Variants in STK32C observed in about 807,000 individuals in gnomAD.
The protein encoded by STK32C is serine/threonine-protein kinase 32C.
Under a neutral mutation model 56.5 loss-of-function variants are expected in STK32C, and 31 were observed. That is an observed-to-expected ratio of 0.55 (90% CI 0.41 to 0.74). STK32C has a LOEUF of 0.74. Among genes scored for constraint, STK32C ranks in the 30% least tolerant of loss-of-function variants. The probability of loss-of-function intolerance (pLI) is 0.00; values close to 1 mark genes in which losing one functional copy is unlikely to be tolerated. For missense variants in STK32C, 544 were observed against 676.9 expected, an observed-to-expected ratio of 0.80 and a Z score of 2.18; for synonymous variants, 309 against 289.4, an observed-to-expected ratio of 1.07 and a Z score of -0.69.
At chr10:132,319,036 C>A (rs754021100) in intron 1 of STK32C, among the ~76,000 whole-genome samples, 1 of 152,210 alleles carries the variant, frequency 6.6e-6, no homozygotes, top group African/African-American at 2.4e-5. Flanking sequence ...GCAACCTCCA[C>A]GTCCTGGGTT....
rs2064095340 is a variant in STK32C, at chr10:132,255,736, G to A, written c.263-9781C>T. The stretch of plus-strand genomic sequence containing the variant: ...TCAGAGATCAGGAGAGGGGATGAGG[G>A]TGTGGGTGCCGGCCTCTGACCCTGG... On this transcript the variant is annotated intron_variant, in intron 1 of 11. Transcript: ENST00000298630. This position sits in a 1 kb window ranked among gnomAD's most constrained non-coding sequence, Gnocchi z 4.6. 6.6e-6 allele frequency among the ~76,000 whole-genome samples: 1 copy of A among 152,200 alleles called. No homozygotes were observed. The highest frequency in any genetic ancestry group is 2.4e-5 in the African/African-American group (1 of 41,444).
chr10:132,295,636 A>G (rs1300533858), intron 1 of STK32C, among the ~76,000 whole-genome samples: 1 of 152,268 alleles, frequency 6.6e-6, no homozygotes, highest in Non-Finnish European at 1.5e-5. Context: ...TTGTAATCCC[A>G]GCACTTCGGG....
intron 10 of STK32C, among the ~76,000 whole-genome samples, chr10:132,219,889 G>A (rs1030638848): frequency 6.6e-6 from 1 of 152,122 alleles, no homozygotes; most frequent in Non-Finnish European, 1.5e-5. Flanking sequence ...CGGGGGCTGA[G>A]GCACAAGAGT....
At chr10:132,319,093 C>T (rs143421511), downstream of STK32C, among the ~76,000 whole-genome samples, 4 of 152,276 alleles carry the variant, frequency 2.6e-5, no homozygotes, top group South Asian at 2.1e-4. Context: ...GGATTACAGG[C>T]GCTCATCATC....
chr10:132,331,884 ACCCCCTG>A (rs1564813091), upstream of STK32C: 11 of 1,019,736 alleles, frequency 1.1e-5, no homozygotes, highest in Admixed American at 5.6e-5. Flanking sequence ...CAGGCGCACC[ACCCCCTG>A]CCACCCCCGC....
chr10:132,245,832 A>G, intron 2 of STK32C, 68 bp downstream of exon 2: 5 of 1,494,264 alleles, frequency 3.3e-6, no homozygotes, highest in East Asian at 2.3e-5. Flanking sequence ...CTCAGGGGAC[A>G]GCATGTCCGA....
intron 10 of STK32C, among the ~76,000 whole-genome samples, chr10:132,210,854 AC>A (rs1043109887): frequency 6.6e-6 from 1 of 152,054 alleles, no homozygotes; most frequent in African/African-American, 2.4e-5. Context: ...TGAGGGTTTC[AC>A]CCTGGCAGCG....
chr10:132,313,492 G>A (rs535597011), intron 1 of STK32C, among the ~76,000 whole-genome samples: 206 of 152,380 alleles, frequency 1.4e-3, no homozygotes, highest in African/African-American at 4.8e-3. Flanking sequence ...CCCTCTCAGC[G>A]AGGGAGACGG....
chr10:132,284,799 A>G (rs112187218), intron 1 of STK32C, among the ~76,000 whole-genome samples: 84 of 135,326 alleles, frequency 6.2e-4, no homozygotes, highest in Middle Eastern at 4.2e-3. Context: ...GCATGAACCC[A>G]GAACACATTC....
intron 1 of STK32C, among the ~76,000 whole-genome samples, chr10:132,265,558 C>G (rs113771911): frequency 5.3e-5 from 8 of 152,286 alleles, no homozygotes; most frequent in African/African-American, 1.9e-4. Context: ...CCATCAGCCC[C>G]GCACAGCCCT....
rs529971255 is a variant in STK32C at position 132,248,201 on chromosome 10, G to T, written c.263-2246C>A. 2.1e-4 allele frequency among the ~76,000 whole-genome samples: 32 copies of T among 152,372 alleles called. 1 individual carries two copies. The highest frequency in any genetic ancestry group is 7.5e-4 in the African/African-American group (31 of 41,594). On this transcript the variant is annotated intron_variant, in intron 1 of 11. Coordinates refer to ENST00000298630, the MANE Select transcript of STK32C (RefSeq NM_173575.4). ...CTGCCGCCATGTGGCGTCACCCAAC[G>T]TCACCAGATGTTAAAGGAAAGTCAG...
intron 3 of STK32C, among the ~76,000 whole-genome samples, chr10:132,227,601 G>C (rs933219258): frequency 6.8e-6 from 1 of 146,718 alleles, no homozygotes; most frequent in Non-Finnish European, 1.5e-5. Context: ...TGATGGTGGT[G>C]GTGATGGCGA....
intron 2 of STK32C, among the ~76,000 whole-genome samples, chr10:132,230,678 GC>G (rs1222265434): frequency 3.3e-5 from 4 of 121,486 alleles, no homozygotes; most frequent in East Asian, 2.6e-4. Context: ...GGGGAAGCTG[GC>G]GGGGGGGGGG....
At chr10:132,257,440 G>C (rs2064160700) in intron 1 of STK32C, among the ~76,000 whole-genome samples, 1 of 152,040 alleles carries the variant, frequency 6.6e-6, no homozygotes, top group Admixed American at 6.5e-5. Context: ...CAGGGTGCCT[G>C]AGAGCTCCCA....
intron 1 of STK32C, among the ~76,000 whole-genome samples, chr10:132,306,397 C>T (rs560348480): frequency 5.9e-5 from 9 of 152,336 alleles, no homozygotes; most frequent in Non-Finnish European, 1.2e-4. Flanking sequence ...TCTGCTGTCC[C>T]GAAGTTCAGG....
intron 1 of STK32C, among the ~76,000 whole-genome samples, chr10:132,304,204 G>A (rs559977625): frequency 2.3e-4 from 35 of 152,296 alleles, no homozygotes; most frequent in African/African-American, 8.2e-4. Flanking sequence ...AGGAAACTAA[G>A]TAAGCAGAGA....
At chr10:132,211,369 C>T (rs905562713) in intron 10 of STK32C, among the ~76,000 whole-genome samples, 6 of 152,202 alleles carry the variant, frequency 3.9e-5, no homozygotes, top group African/African-American at 9.6e-5. Context: ...GAGCGCCCGT[C>T]GTGGCCCTGT....
chr10:132,224,048 G>A (rs558279402), intron 8 of STK32C, among the ~76,000 whole-genome samples: 28 of 144,640 alleles, frequency 1.9e-4, no homozygotes, highest in African/African-American at 6.9e-4. Flanking sequence ...CCACCCACCC[G>A]ACACCCTCCT....
At chr10:132,242,494 A>C (rs892659810) in intron 2 of STK32C, among the ~76,000 whole-genome samples, 1 of 152,070 alleles carries the variant, frequency 6.6e-6, no homozygotes, top group African/African-American at 2.4e-5. Flanking sequence ...AACTGCCAGC[A>C]CAGCCCCCCT....
Sources: gnomAD v4.1 joint callset for allele counts (sites outside exome capture counted in the v4.1 genomes callset) on GRCh38, gnomAD v4.1.1 for gene constraint, Gnocchi (gnomAD v3.1) non-coding constraint, MANE v1.5 for transcripts, NCBI Gene and HGNC (gene_info 2026-07-23, HGNC 2026-07-21) for gene names.